The following GNPTAB variants were observed in gnomAD, a reference collection of about 807,000 sequenced individuals.
GNPTAB encodes N-acetylglucosamine-1-phosphate transferase subunits alpha and beta, also known as N-acetylglucosamine-1-phosphotransferase subunits alpha/beta.
Under a neutral mutation model 136.6 loss-of-function variants are expected in GNPTAB, and 92 were observed. The ratio of observed to expected loss-of-function variants is 0.67; its 90% CI spans 0.57 to 0.80. The LOEUF is 0.80. Among genes scored for constraint, GNPTAB ranks in the 30% least tolerant of loss-of-function variants. The pLI, the probability that GNPTAB is intolerant of heterozygous loss-of-function variation, is 0.00. For missense variants in GNPTAB, 1,343 were observed against 1,501.8 expected (o/e 0.89, Z 1.75); for synonymous variants, 512 against 535.1 (o/e 0.96, Z 0.60).
chr12:101,828,512 A>G (rs1871217498), intron 1 of GNPTAB, among the ~76,000 whole-genome samples: 1 of 152,112 alleles, frequency 6.6e-6, no homozygotes, highest in Non-Finnish European at 1.5e-5. Context: ...ACAAAAAATT[A>G]GCCAGGTGTG....
At chr12:101,775,139 A>G (rs1008787414) in intron 7 of GNPTAB, among the ~76,000 whole-genome samples, 3 of 152,256 alleles carry the variant, frequency 2.0e-5, no homozygotes, top group Non-Finnish European at 2.9e-5. Flanking sequence ...CTAGAAGAAC[A>G]TGCAAATCCA....
chr12:101,756,626 A>T (rs1314824805), intron 18 of GNPTAB: 1 of 185,084 alleles, frequency 5.4e-6, no homozygotes, highest in African/African-American at 2.4e-5. Flanking sequence ...AAGTTGATGA[A>T]ACATCTACTT....
At chr12:101,827,712 C>A (rs1242860595) in intron 1 of GNPTAB, among the ~76,000 whole-genome samples, 2 of 152,198 alleles carry the variant, frequency 1.3e-5, no homozygotes, top group Non-Finnish European at 2.9e-5. Context: ...CACCTATAAT[C>A]CCAGCATTTT....
chr12:101,783,907 A>G (rs535198398), intron 5 of GNPTAB, among the ~76,000 whole-genome samples: 4 of 151,470 alleles, frequency 2.6e-5, no homozygotes, highest in East Asian at 1.9e-4. Context: ...TTGTAGAGAC[A>G]GGGTTTTGCC....
chr12:101,809,997 G>A (rs1287268817), intron 1 of GNPTAB, among the ~76,000 whole-genome samples: 1 of 152,146 alleles, frequency 6.6e-6, no homozygotes, highest in Non-Finnish European at 1.5e-5. Context: ...AGGGGAAACA[G>A]GCCAGGTATG....
At chr12:101,783,888 T>G (rs183197653) in intron 5 of GNPTAB, among the ~76,000 whole-genome samples, 278 of 143,956 alleles carry the variant, frequency 1.9e-3, no homozygotes, top group African/African-American at 6.8e-3. Context: ...CTAATTTTTG[T>G]TTTTTTTTTT....
intron 1 of GNPTAB, among the ~76,000 whole-genome samples, chr12:101,797,172 T>C (rs1247792488): frequency 6.6e-6 from 1 of 151,994 alleles, no homozygotes. Flanking sequence ...AGAAGACAGG[T>C]AGATAACTGT....
At chr12:101,765,360 T>G in intron 12 of GNPTAB, 56 bp from the exon 13 acceptor site, 2 of 1,148,916 alleles carry the variant, frequency 1.7e-6, no homozygotes, top group Non-Finnish European at 2.6e-6. Context: ...TTTCCTCTGT[T>G]TTCCTTTAAT....
chr12:101,825,144 T>G (rs563033771), intron 1 of GNPTAB, among the ~76,000 whole-genome samples: 1 of 152,240 alleles, frequency 6.6e-6, no homozygotes, highest in Non-Finnish European at 1.5e-5. Flanking sequence ...CAATTGCTTA[T>G]TCCCCTGTGT....
intron 5 of GNPTAB, among the ~76,000 whole-genome samples, chr12:101,782,845 C>T (rs1043010092): frequency 9.2e-5 from 14 of 152,288 alleles, no homozygotes; most frequent in African/African-American, 3.1e-4. Context: ...AGATACACTC[C>T]TGCCTCAGGG....
chr12:101,830,554 C>T lies in GNPTAB; in HGVS notation c.117+5G>A. On this transcript the variant is annotated splice_donor_5th_base_variant and intron_variant, in intron 1 of 20. Transcript: ENST00000299314. The stretch of plus-strand genomic sequence containing the variant: ...CCCGGTCCAGGCTGCGGCGCCGCTA[C>T]TCACCTCTCCGAACTGGAAGGCGGA... The T allele has an allele frequency of 6.3e-7, 1 of 1,589,288 alleles. No individual in the cohort carries two copies. Among genetic ancestry groups the T allele is most frequent in the Non-Finnish European group, 8.6e-7 (1 of 1,159,254 alleles).
chr12:101,767,946 T>A, intron 11 of GNPTAB, 91 bp downstream of exon 11: 2 of 1,330,574 alleles, frequency 1.5e-6, no homozygotes, highest in Non-Finnish European at 2.2e-6. Context: ...ACATAAAGAA[T>A]GTTTGGTTAA....
At position 101,780,382 on chromosome 12, in the gene GNPTAB, C is replaced by CTG. The variant is rs1230256763; in HGVS notation, c.637-97_637-96insCA. 9 of 1,315,320 alleles carry CTG rather than the reference C, an allele frequency of 6.8e-6. No individual in the cohort carries two copies. In the Admixed American group the frequency reaches 1.2e-4, roughly 18 times the overall value. 81.5% of individuals were successfully genotyped at this position (1,315,320 alleles called of 1,614,324 possible). On this transcript the variant is annotated intron_variant, in intron 6 of 20. Coordinates refer to ENST00000299314, the MANE Select transcript of GNPTAB (RefSeq NM_024312.5). The stretch of plus-strand genomic sequence containing the variant: ...CTGGTAAAGATCTATTGCATCACAA[C>CTG]ACAAGCTTCAAAATATGATTTTTAG...
At chr12:101,790,142 A>C in intron 2 of GNPTAB, 85 bp from the exon 3 acceptor site, 1 of 1,577,978 alleles carries the variant, frequency 6.3e-7, no homozygotes, top group East Asian at 2.2e-5. Context: ...TTAAACCCAG[A>C]GATTATGAAA....
At chr12:101,782,151 G>A (rs546444058) in intron 5 of GNPTAB, among the ~76,000 whole-genome samples, 253 of 152,306 alleles carry the variant, frequency 1.7e-3, no homozygotes, top group Middle Eastern at 3.4e-3. Context: ...CTGGATAAGA[G>A]ACTATGGATT....
chr12:101,825,920 T>G (rs1366517678), intron 1 of GNPTAB, among the ~76,000 whole-genome samples: 1 of 152,160 alleles, frequency 6.6e-6, no homozygotes, highest in South Asian at 2.1e-4. Context: ...AGGATCACAA[T>G]TTGTGCTGCA....
rs1952971686 is a variant in GNPTAB at position 101,760,154 on chromosome 12, A to C, written c.3136-11T>G. On this transcript the variant is annotated splice_polypyrimidine_tract_variant and intron_variant, in intron 15 of 20. Coordinates refer to ENST00000299314, the MANE Select transcript of GNPTAB (RefSeq NM_024312.5). Reference sequence around the variant, plus strand: ...CAGACCTGTCAAATCCTAACAAAGAAAAAGATGATAAATCTGTTATGCGCA... The same window carrying C: ...CAGACCTGTCAAATCCTAACAAAGACAAAGATGATAAATCTGTTATGCGCA... 6.8e-7 allele frequency: 1 copy of C among 1,467,444 alleles called. No individual in the cohort carries two copies. The highest frequency in any genetic ancestry group is 1.7e-5 in the Admixed American group (1 of 59,832). 90.9% of individuals were successfully genotyped at this position (1,467,444 alleles called of 1,614,324 possible).
At chr12:101,814,042 GCACTC>G (rs574472012) in intron 1 of GNPTAB, among the ~76,000 whole-genome samples, 8 of 151,008 alleles carry the variant, frequency 5.3e-5, no homozygotes, top group African/African-American at 2.0e-4. Context: ...TCGCACCACT[GCACTC>G]CAGTCTGGGC....
At chr12:101,803,247 T>C (rs1869745540) in intron 1 of GNPTAB, among the ~76,000 whole-genome samples, 1 of 152,230 alleles carries the variant, frequency 6.6e-6, no homozygotes, top group African/African-American at 2.4e-5. Context: ...CTTCTTAGTT[T>C]CTGAAAACAA....
Sources: gnomAD v4.1 joint callset for allele counts (sites outside exome capture counted in the v4.1 genomes callset) on GRCh38, gnomAD v4.1.1 for gene constraint, MANE v1.5 for transcripts, NCBI Gene and HGNC (gene_info 2026-07-23, HGNC 2026-07-21) for gene names.